Variants in STOX2 observed in about 807,000 individuals in gnomAD.
STOX2 encodes the protein storkhead box 2, also known as storkhead-box protein 2.
In STOX2, 28 loss-of-function variants were observed where a neutral mutation model predicts 60.9. The ratio of observed to expected loss-of-function variants is 0.46; its 90% CI spans 0.34 to 0.63. The LOEUF is 0.63. Ranked by LOEUF, STOX2 falls within the 30% of genes least tolerant of loss-of-function variation. The pLI, the probability that STOX2 is intolerant of heterozygous loss-of-function variation, is 0.01. For synonymous variants in STOX2, 472 were observed against 463.9 expected, an observed-to-expected ratio of 1.02 and a Z score of -0.22; for missense variants, 1,024 against 1,187.7, an observed-to-expected ratio of 0.86 and a Z score of 2.03.
intron 1 of STOX2, among the ~76,000 whole-genome samples, chr4:183,914,843 G>C (rs182276971): frequency 1.5e-4 from 23 of 152,276 alleles, no homozygotes; most frequent in African/African-American, 5.5e-4. Context: ...TGAAAGTAAA[G>C]TGCCCTTTAA....
intron 1 of STOX2, among the ~76,000 whole-genome samples, chr4:183,983,053 C>T (rs139980004): frequency 6.6e-6 from 1 of 152,282 alleles, no homozygotes; most frequent in African/African-American, 2.4e-5. Flanking sequence ...ATAGATCCCT[C>T]CAACCCAGCC....
In STOX2 at chr4:183,806,533, C is replaced by T. The variant is rs542019734; in HGVS notation, c.364+8478C>T. Among the ~76,000 whole-genome samples the T allele has an allele frequency of 5.7e-4, 87 of 152,242 alleles. No individual in the cohort carries two copies. The Middle Eastern group carries it at 0.014, about 24-fold the overall frequency. On this transcript the variant is annotated intron_variant, in intron 1 of 2. Coordinates refer to the STOX2 transcript ENST00000513034. This position sits in a 1 kb window ranked among gnomAD's most constrained non-coding sequence, Gnocchi z 4.1. ...CTTCACTGTGAACCCCGGGATACTG[C>T]GGCGGTGCTGGCTGGAAGGCTGGCT...
In STOX2 at chr4:183,892,434, A is replaced by T. The variant is rs1014043664; in HGVS notation, c.364+94379A>T. ...GCTGGGACTATGGGCGCCCGCCACC[A>T]CGCCCGGCTAATTTTTTTTGTATTT... On this transcript the variant is annotated intron_variant, in intron 1 of 2. Coordinates refer to the STOX2 transcript ENST00000513034. Among the ~76,000 whole-genome samples, 4 of 151,784 alleles carry T rather than the reference A, an allele frequency of 2.6e-5. No individual in the cohort carries two copies. In the South Asian group the frequency reaches 6.2e-4, roughly 24 times the overall value.
At chr4:183,872,910 G>A (rs1308540194) in intron 1 of STOX2, among the ~76,000 whole-genome samples, 1 of 152,082 alleles carries the variant, frequency 6.6e-6, no homozygotes. Flanking sequence ...TTTAGTGAAA[G>A]TTTGAAAAAC....
intron 1 of STOX2, among the ~76,000 whole-genome samples, chr4:183,891,494 A>AAT (rs1462210980): frequency 6.6e-6 from 1 of 150,614 alleles, no homozygotes; most frequent in Non-Finnish European, 1.5e-5. Flanking sequence ...ATTCTAAGTG[A>AAT]AGTAACTCAG....
chr4:183,917,207 C>T (rs1203860883), intron 1 of STOX2, among the ~76,000 whole-genome samples: 1 of 152,242 alleles, frequency 6.6e-6, no homozygotes, highest in Non-Finnish European at 1.5e-5. Context: ...TTTCTCTAAC[C>T]ATATGCGTGG....
rs555179987 is a variant in STOX2 at position 184,003,248 on chromosome 4, G to A, written c.319+1771G>A. Among the ~76,000 whole-genome samples, 302 of 152,244 alleles carry A rather than the reference G, an allele frequency of 2.0e-3. 2 individuals carry two copies. The highest frequency in any genetic ancestry group is 6.8e-3 in the African/African-American group (281 of 41,554). On this transcript the variant is annotated intron_variant, in intron 2 of 3. Coordinates refer to ENST00000308497, the MANE Select transcript of STOX2 (RefSeq NM_020225.3). ...ATATAGCTTCATGAGAAATCACACG[G>A]CTTTTCTGAAATTGGTTACGTACCA...
At chr4:183,810,436 T>G (rs1404203245) in intron 1 of STOX2, among the ~76,000 whole-genome samples, 1 of 152,128 alleles carries the variant, frequency 6.6e-6, no homozygotes, top group African/African-American at 2.4e-5. Flanking sequence ...GAAATTAGGC[T>G]CAACTCCAAA....
chr4:183,872,456 C>T (rs1277676685), intron 1 of STOX2, among the ~76,000 whole-genome samples: 1 of 152,032 alleles, frequency 6.6e-6, no homozygotes. Flanking sequence ...GAATTATAGC[C>T]AGATTCCAGA....
intron 1 of STOX2, chr4:183,988,755 A>G (rs1732957868): frequency 6.6e-6 from 1 of 152,600 alleles, no homozygotes; most frequent in South Asian, 2.1e-4. Context: ...GCAGCTCCCT[A>G]GCATGCACCA....
chr4:183,953,046 G>A (rs1298264713), intron 1 of STOX2, among the ~76,000 whole-genome samples: 1 of 152,170 alleles, frequency 6.6e-6, no homozygotes, highest in Non-Finnish European at 1.5e-5. Context: ...CAGAGGGTGG[G>A]AGGCTGGGGG....
At chr4:184,006,931 G>A (rs1474969985) in intron 2 of STOX2, among the ~76,000 whole-genome samples, 1 of 140,988 alleles carries the variant, frequency 7.1e-6, no homozygotes, top group East Asian at 2.1e-4. Context: ...CAGGAGAATG[G>A]CGTGAACCCA....
chr4:183,881,846 T>G (rs1044716970), intron 1 of STOX2, among the ~76,000 whole-genome samples: 1 of 152,230 alleles, frequency 6.6e-6, no homozygotes, highest in African/African-American at 2.4e-5. Context: ...AGCTGACGGA[T>G]AGTGAACAGA....
At chr4:183,812,520 G>T (rs1739058777) in intron 1 of STOX2, among the ~76,000 whole-genome samples, 1 of 152,084 alleles carries the variant, frequency 6.6e-6, no homozygotes, top group Non-Finnish European at 1.5e-5. Flanking sequence ...AAGTTTATTA[G>T]TAGAAACTCA....
At position 183,906,737 on chromosome 4, in the gene STOX2, T is replaced by G. The variant is rs571947805; in HGVS notation, c.-54T>G. 10 of 1,447,324 alleles carry G rather than the reference T, an allele frequency of 6.9e-6. No homozygotes were observed. In the South Asian group the frequency reaches 1.4e-4, roughly 20 times the overall value. The allele number at this position is 1,447,324 out of a possible 1,614,324, so 89.7% of individuals were successfully genotyped here. A position where few individuals can be genotyped will look rare whatever the true frequency, so the allele number is the denominator to read the frequency against. ...GCCGTAGACGGATGAAGGAGCGCGC[T>G]GCGCCCCGGCGCTGAGGCCCCGAGG... is the stretch of plus-strand genomic sequence containing the variant. On this transcript the variant is annotated 5_prime_UTR_variant, in exon 1 of 4. Transcript: ENST00000308497.
At chr4:183,842,073 A>G (rs888767692) in intron 1 of STOX2, among the ~76,000 whole-genome samples, 1 of 152,244 alleles carries the variant, frequency 6.6e-6, no homozygotes, top group Non-Finnish European at 1.5e-5. Flanking sequence ...TCATTGCCAC[A>G]TATATTCATT....
At chr4:183,961,847 A>C (rs1743423055) in intron 1 of STOX2, among the ~76,000 whole-genome samples, 1 of 152,246 alleles carries the variant, frequency 6.6e-6, no homozygotes, top group Non-Finnish European at 1.5e-5. Flanking sequence ...CACAAAAAGG[A>C]TCTTGGGTTG....
chr4:183,931,834 G>C (rs1242262986), intron 1 of STOX2, among the ~76,000 whole-genome samples: 1 of 152,216 alleles, frequency 6.6e-6, no homozygotes, highest in Non-Finnish European at 1.5e-5. Flanking sequence ...ATGAGGGTAA[G>C]GAATTTGCAT....
intron 1 of STOX2, among the ~76,000 whole-genome samples, chr4:183,914,805 G>C (rs964205659): frequency 6.6e-6 from 1 of 152,156 alleles, no homozygotes; most frequent in Non-Finnish European, 1.5e-5. Flanking sequence ...GGTTAGGATT[G>C]CTTGGAGATT....
Sources: allele counts gnomAD v4.1 joint callset (sites outside exome capture counted in the v4.1 genomes callset), GRCh38; gene constraint gnomAD v4.1.1; non-coding constraint Gnocchi (gnomAD v3.1); transcripts MANE v1.5; gene names NCBI Gene and HGNC (gene_info 2026-07-23, HGNC 2026-07-21).